Variants in VPS8 observed in about 807,000 individuals in gnomAD.
VPS8 encodes VPS8 subunit of CORVET complex, also known as vacuolar protein sorting-associated protein 8 homolog.
Under a neutral mutation model 216.4 loss-of-function variants are expected in VPS8, and 129 were observed. That is an observed-to-expected ratio of 0.60 (90% CI 0.52 to 0.69). The LOEUF (loss-of-function observed/expected upper bound fraction) is 0.69. VPS8 is among the 30% of genes least tolerant of loss of function. The pLI is 0.00. For missense variants in VPS8, 1,531 were observed against 1,683.5 expected (o/e 0.91, Z 1.59); for synonymous variants, 571 against 565.4 (o/e 1.01, Z -0.14).
At chr3:184,955,089 T>C (rs1219145689) in intron 36 of VPS8, among the ~76,000 whole-genome samples, 1 of 152,120 alleles carries the variant, frequency 6.6e-6, no homozygotes, top group Non-Finnish European at 1.5e-5. Context: ...ACCTGTTACT[T>C]AGCAGACCGC....
rs566376779 is a variant in VPS8, at chr3:184,997,955, C to T, written c.3836+1454C>T. On this transcript the variant is annotated intron_variant, in intron 44 of 47. Coordinates refer to ENST00000625842, the MANE Select transcript of VPS8 (RefSeq NM_001009921.3). ...AGGGGATCTAAAGGAAGTGGCCATG[C>T]AACGTCAGAAGAGAGTACACCAGGC... Among the ~76,000 whole-genome samples, 16 of 150,652 alleles carry T rather than the reference C, an allele frequency of 1.1e-4. No homozygotes were observed. In the East Asian group the frequency reaches 2.1e-3, roughly 20 times the overall value.
chr3:185,035,492 A>C (rs373492987), intron 46 of VPS8, among the ~76,000 whole-genome samples: 1 of 152,200 alleles, frequency 6.6e-6, no homozygotes, highest in East Asian at 1.9e-4. Context: ...ACATAAACAG[A>C]ATCAAAAGCA....
chr3:184,983,262 T>C (rs187477717), intron 42 of VPS8, among the ~76,000 whole-genome samples, 168 bp downstream of exon 42: 46 of 152,328 alleles, frequency 3.0e-4, no homozygotes, highest in Non-Finnish European at 1.0e-4. Flanking sequence ...CATTCTTGAA[T>C]CTTTTCTGTC....
chr3:185,051,884 C>T lies in VPS8; in HGVS notation c.4146C>T (p.Leu1382=), dbSNP rs374179684. 3.1e-6 allele frequency: 5 copies of T among 1,603,452 alleles called. No homozygotes were observed. In the South Asian group the frequency reaches 4.5e-5, roughly 14 times the overall value. ...GTGTCCTTCCTTTGCAGCTGGCTCT[C>T]CTCACGGAACTCTCCCAGAATCGCA... is the stretch of plus-strand genomic sequence containing the variant. ...RLYRGSSRLA[L]LTELSQNRSS... Residue 1382 remains leucine (L), a synonymous_variant, in exon 48 of 48, where the codon CTC becomes CTT. Transcript: ENST00000625842.
At chr3:184,950,475 T>G (rs149451664) in intron 36 of VPS8, among the ~76,000 whole-genome samples, 11 of 152,188 alleles carry the variant, frequency 7.2e-5, no homozygotes, top group Non-Finnish European at 1.5e-4. Flanking sequence ...CTGGCCTATT[T>G]AGATACAGTT....
intron 36 of VPS8, among the ~76,000 whole-genome samples, chr3:184,942,428 C>T (rs1257095654): frequency 5.3e-5 from 8 of 152,146 alleles, no homozygotes; most frequent in East Asian, 1.9e-4. Context: ...CCTTTCTTAC[C>T]GACCTTGAAA....
chr3:185,019,557 G>T (rs1356838720), intron 45 of VPS8, among the ~76,000 whole-genome samples: 1 of 152,210 alleles, frequency 6.6e-6, no homozygotes, highest in African/African-American at 2.4e-5. Flanking sequence ...GATGGGTCTG[G>T]CTAGTTATCT....
At chr3:184,835,736 G>C (rs1157709175) in intron 5 of VPS8, among the ~76,000 whole-genome samples, 1 of 139,872 alleles carries the variant, frequency 7.1e-6, no homozygotes, top group African/African-American at 2.7e-5. Context: ...TTGAGACGGA[G>C]TCTCACTCTG....
At chr3:184,985,665 A>G (rs756090511) in intron 42 of VPS8, among the ~76,000 whole-genome samples, 2 of 152,192 alleles carry the variant, frequency 1.3e-5, no homozygotes, top group Non-Finnish European at 2.9e-5. Flanking sequence ...GGGGTGAGCA[A>G]ATGGCCTAAA....
intron 25 of VPS8, among the ~76,000 whole-genome samples, chr3:184,908,212 G>T (rs1560621721): frequency 6.6e-6 from 1 of 152,208 alleles, no homozygotes; most frequent in Non-Finnish European, 1.5e-5. Flanking sequence ...GAGCTTTTAA[G>T]TAAGCTGCCA....
chr3:184,931,458 G>A (rs1277936457), intron 34 of VPS8, among the ~76,000 whole-genome samples: 8 of 152,042 alleles, frequency 5.3e-5, no homozygotes, highest in Admixed American at 1.3e-4. Flanking sequence ...GTAAAGATAC[G>A]ATTATTCAAC....
intron 45 of VPS8, among the ~76,000 whole-genome samples, chr3:185,012,675 A>G (rs1009796866): frequency 2.0e-5 from 3 of 151,978 alleles, no homozygotes; most frequent in East Asian, 1.9e-4. Context: ...AAAAAAAAAA[A>G]GAGGCCAGAA....
intron 42 of VPS8, among the ~76,000 whole-genome samples, chr3:184,983,871 T>C (rs928698815): frequency 1.3e-5 from 2 of 150,750 alleles, no homozygotes; most frequent in Non-Finnish European, 3.0e-5. Flanking sequence ...TGAAGAATGT[T>C]CCTGTCAGCT....
At chr3:184,899,804 A>G (rs1172446709) in intron 24 of VPS8, among the ~76,000 whole-genome samples, 10 of 152,204 alleles carry the variant, frequency 6.6e-5, no homozygotes, top group African/African-American at 1.9e-4. Context: ...TGCATTGACA[A>G]GATGATTACT....
intron 36 of VPS8, among the ~76,000 whole-genome samples, chr3:184,946,552 C>G (rs896567754): frequency 2.6e-5 from 4 of 152,218 alleles, no homozygotes; most frequent in Non-Finnish European, 4.4e-5. Flanking sequence ...TCTTAAAGCT[C>G]TTTCAGTTCC....
At chr3:185,009,782 A>G (rs1016369217) in intron 45 of VPS8, among the ~76,000 whole-genome samples, 1 of 152,072 alleles carries the variant, frequency 6.6e-6, no homozygotes, top group Admixed American at 6.6e-5. Flanking sequence ...AGAGAGGGAG[A>G]ACGAAGGCAG....
intron 1 of VPS8, among the ~76,000 whole-genome samples, chr3:184,822,159 G>T (rs575613843): frequency 2.0e-4 from 30 of 152,050 alleles, no homozygotes; most frequent in Admixed American, 2.0e-3. Flanking sequence ...TTATTTTTTG[G>T]GGGGTCAGGG....
chr3:184,824,658 A>C lies in VPS8; in HGVS notation c.26A>C (p.Asn9Thr). 8 of 1,613,946 alleles carry C rather than the reference A, an allele frequency of 5.0e-6. No homozygotes were observed. The highest frequency in any genetic ancestry group is 6.8e-6 in the Non-Finnish European group (8 of 1,179,872). ...ATGGAAAATGAACCAGACCATGAAA[A>C]TGTGGAACAGAGCCTCTGTGCCAAG... The part of the protein sequence containing the change: MENEPDHE[N>T]VEQSLCAKTS... Residue 9 changes from asparagine (N) to threonine (T), a missense_variant, in exon 2 of 48, where the codon AAT (asparagine) becomes ACT (threonine). Physicochemically the swap from Asn to Thr is moderately conservative, Grantham distance 65. Around this residue, in one of 3 missense-constraint regions of VPS8, gnomAD observed 199 missense variants for 182.2 expected, o/e 1.09. Transcript: ENST00000625842.
At chr3:184,981,875 A>G (rs1028298254) in intron 40 of VPS8, among the ~76,000 whole-genome samples, 3 of 152,160 alleles carry the variant, frequency 2.0e-5, no homozygotes, top group South Asian at 4.1e-4. Context: ...GATAATACCT[A>G]CTGTATAAGG....
Sources: gnomAD v4.1 joint callset for allele counts (sites outside exome capture counted in the v4.1 genomes callset) on GRCh38, gnomAD v4.1.1 for gene constraint, gnomAD v4.1.1 regional missense constraint, MANE v1.5 for transcripts, NCBI Gene and HGNC (gene_info 2026-07-23, HGNC 2026-07-21) for gene names.